Variants in MMP26 observed in about 807,000 individuals in gnomAD.
The protein encoded by MMP26 is matrix metalloproteinase-26.
In MMP26, 33 loss-of-function variants were observed where a neutral mutation model predicts 31.0. That is an observed-to-expected ratio of 1.06 (90% CI 0.81 to 1.42). MMP26 has a LOEUF of 1.42. MMP26 is among the 40% of genes most tolerant of loss of function. The pLI is 0.00. For missense variants in MMP26, 347 were observed against 316.1 expected, an observed-to-expected ratio of 1.10 and a Z score of -0.74; for synonymous variants, 122 against 114.9, an observed-to-expected ratio of 1.06 and a Z score of -0.40.
rs1210479991 is a variant in MMP26, at chr11:4,920,364, G to A, written c.-144-67704G>A. ...GCTTGCTGTACCTTCCTTTCATACTGTTTCCACAATGCACTTCTTCTCCTC... is the reference window on the plus strand; with the variant it reads ...GCTTGCTGTACCTTCCTTTCATACTATTTCCACAATGCACTTCTTCTCCTC... On this transcript the variant is annotated intron_variant, in intron 2 of 7. Coordinates refer to ENST00000380390, the MANE Select transcript of MMP26 (RefSeq NM_021801.5). 3.3e-5 allele frequency among the ~76,000 whole-genome samples: 5 copies of A among 152,042 alleles called. No homozygotes were observed. In the South Asian group the frequency reaches 6.2e-4, roughly 19 times the overall value.
At chr11:4,909,589 A>G (rs1297982960) in intron 2 of MMP26, 1 of 152,176 alleles carries the variant, frequency 6.6e-6, no homozygotes, top group African/African-American at 2.4e-5. Flanking sequence ...GTAAATACAT[A>G]TTTTAAACAA....
intron 2 of MMP26, among the ~76,000 whole-genome samples, chr11:4,930,354 G>A (rs115968341): frequency 0.011 from 1,636 of 152,124 alleles, 27 homozygotes; most frequent in African/African-American, 0.034. Context: ...GTATACCTTG[G>A]ATATCTGGCT....
chr11:4,831,178 T>C (rs1287541130), intron 2 of MMP26, among the ~76,000 whole-genome samples: 3 of 152,188 alleles, frequency 2.0e-5, no homozygotes, highest in Non-Finnish European at 4.4e-5. Flanking sequence ...CCTCTTTATC[T>C]ACACTTGCCA....
intron 2 of MMP26, among the ~76,000 whole-genome samples, chr11:4,827,325 T>C (rs976190947): frequency 6.6e-6 from 1 of 152,150 alleles, no homozygotes; most frequent in East Asian, 1.9e-4. Context: ...ATCTTTTTTG[T>C]TATTGTTTTT....
At chr11:4,933,565 G>GT (rs71050440) in intron 2 of MMP26, among the ~76,000 whole-genome samples, 59,375 of 148,978 alleles carry the variant, frequency 0.4, 12,228 homozygotes, top group South Asian at 0.6. Flanking sequence ...TGTTTGTTTT[G>GT]TTTTTTTTAT....
intron 2 of MMP26, among the ~76,000 whole-genome samples, chr11:4,777,002 G>A (rs1848798825): frequency 6.6e-6 from 1 of 152,024 alleles, no homozygotes; most frequent in Non-Finnish European, 1.5e-5. Context: ...AATTACCCTT[G>A]GACAATGGGA....
intron 2 of MMP26, among the ~76,000 whole-genome samples, chr11:4,941,840 C>T (rs901028750): frequency 6.6e-6 from 1 of 151,516 alleles, no homozygotes; most frequent in East Asian, 1.9e-4. Flanking sequence ...AATCCCAGCA[C>T]TTTGGGAGGC....
intron 1 of MMP26, chr11:4,710,622 T>G (rs1847849073): frequency 8.5e-6 from 3 of 353,174 alleles, no homozygotes; most frequent in Admixed American, 3.8e-5. Flanking sequence ...CAACATGCTT[T>G]CTTTCTATTC....
rs1264816915 is a variant in MMP26, at chr11:4,849,177, T to C, written c.-145+81836T>C. The C allele has an allele frequency of 7.4e-6, 12 of 1,612,766 alleles. No individual in the cohort carries two copies. Among genetic ancestry groups the C allele is most frequent in the South Asian group, 3.3e-5 (3 of 90,966 alleles). ...GGTGGGGGCCATTGAAGTGCTGCTA[T>C]TGGGGGCTATCTGAGTTGGTAATGT... On this transcript the variant is annotated intron_variant, in intron 2 of 7. Coordinates refer to ENST00000380390, the MANE Select transcript of MMP26 (RefSeq NM_021801.5).
chr11:4,866,253 C>A (rs762722072), intron 2 of MMP26, among the ~76,000 whole-genome samples: 4 of 152,076 alleles, frequency 2.6e-5, no homozygotes, highest in Non-Finnish European at 5.9e-5. Flanking sequence ...ACACTTAGTG[C>A]AAGAGATTTA....
chr11:4,758,062 T>C (rs539062383), intron 1 of MMP26, among the ~76,000 whole-genome samples: 5 of 152,336 alleles, frequency 3.3e-5, no homozygotes, highest in South Asian at 4.1e-4. Flanking sequence ...CAAGTGTTCA[T>C]AACAACATTA....
chr11:4,784,782 A>G (rs1848912505), intron 2 of MMP26, among the ~76,000 whole-genome samples: 1 of 152,232 alleles, frequency 6.6e-6, no homozygotes, highest in Non-Finnish European at 1.5e-5. Flanking sequence ...AAGCTAACAT[A>G]GGCACATAGC....
chr11:4,804,476 A>G, intron 2 of MMP26: 1 of 949,626 alleles, frequency 1.1e-6, no homozygotes, highest in Non-Finnish European at 1.7e-6. Flanking sequence ...AGGCTTTTGG[A>G]TGGGACTATT....
intron 2 of MMP26, chr11:4,848,942 C>T: frequency 6.2e-7 from 1 of 1,613,878 alleles, no homozygotes; most frequent in Non-Finnish European, 8.5e-7. Flanking sequence ...CGATGCCCAG[C>T]AGTGTGGGCA....
At chr11:4,894,179 G>C (rs936478686) in intron 2 of MMP26, among the ~76,000 whole-genome samples, 1 of 151,950 alleles carries the variant, frequency 6.6e-6, no homozygotes, top group Non-Finnish European at 1.5e-5. Flanking sequence ...CAGAGAGATA[G>C]GCATTAATTT....
intron 2 of MMP26, among the ~76,000 whole-genome samples, chr11:4,801,139 C>A (rs972297677): frequency 1.3e-5 from 2 of 152,146 alleles, no homozygotes; most frequent in African/African-American, 4.8e-5. Flanking sequence ...TAAGAAGTTC[C>A]AAACTTTCCC....
intron 2 of MMP26, chr11:4,822,177 C>A: frequency 6.2e-7 from 1 of 1,607,886 alleles, no homozygotes; most frequent in African/African-American, 1.3e-5. Flanking sequence ...CTGTTTCCAT[C>A]TTCTACCTCC....
intron 1 of MMP26, chr11:4,752,252 A>C (rs1189316478): frequency 1.3e-5 from 2 of 152,266 alleles, no homozygotes; most frequent in Non-Finnish European, 2.9e-5. Context: ...TGATATGAGA[A>C]ATGCAGGTGC....
intron 1 of MMP26, chr11:4,710,694 T>C: frequency 3.0e-6 from 1 of 338,456 alleles, no homozygotes; most frequent in South Asian, 2.4e-5. Flanking sequence ...AGGGCAGAGA[T>C]TATGTCGGTA....
Sources: allele counts gnomAD v4.1 joint callset (sites outside exome capture counted in the v4.1 genomes callset), GRCh38; gene constraint gnomAD v4.1.1; transcripts MANE v1.5; gene names NCBI Gene and HGNC (gene_info 2026-07-23, HGNC 2026-07-21).